Variants in STX8 observed in about 807,000 individuals in gnomAD.
The protein encoded by STX8 is syntaxin 8.
A neutral mutation model predicts 37.5 loss-of-function variants in STX8; 23 were observed. That is an observed-to-expected ratio of 0.61 (90% CI 0.44 to 0.87). STX8 has a LOEUF of 0.87. STX8 is among the 40% of genes least tolerant of loss of function. The pLI is 0.00. For synonymous variants in STX8, 115 were observed against 99.1 expected (o/e 1.16, Z -0.95); for missense variants, 313 against 284.7 (o/e 1.10, Z -0.71).
At chr17:9,293,633 T>C (rs1908400670) in intron 7 of STX8, among the ~76,000 whole-genome samples, 1 of 152,154 alleles carries the variant, frequency 6.6e-6, no homozygotes, top group Non-Finnish European at 1.5e-5. Flanking sequence ...AATAGAATAC[T>C]GTCATTAATT....
chr17:9,293,804 C>T (rs1446401414), intron 7 of STX8, among the ~76,000 whole-genome samples: 3 of 151,580 alleles, frequency 2.0e-5, no homozygotes, highest in African/African-American at 4.9e-5. Context: ...GTCTGTCGCC[C>T]AGGCTGGAGT....
At chr17:9,336,431 C>T (rs904996914) in intron 7 of STX8, among the ~76,000 whole-genome samples, 1 of 151,292 alleles carries the variant, frequency 6.6e-6, no homozygotes, top group African/African-American at 2.4e-5. Flanking sequence ...CCTTCCTTCC[C>T]CTTCCTTCCT....
intron 3 of STX8, chr17:9,554,469 T>C (rs917816417): frequency 2.6e-5 from 4 of 152,010 alleles, no homozygotes; most frequent in African/African-American, 9.7e-5. Context: ...CTATCTTAAA[T>C]CTGGAAGATA....
intron 6 of STX8, among the ~76,000 whole-genome samples, chr17:9,475,534 A>T (rs751544743): frequency 1.3e-5 from 2 of 152,140 alleles, no homozygotes; most frequent in Non-Finnish European, 2.9e-5. Flanking sequence ...TGCAGTCTGC[A>T]GTACTTGCCC....
intron 4 of STX8, among the ~76,000 whole-genome samples, chr17:9,526,976 G>A (rs186470520): frequency 1.3e-3 from 199 of 150,436 alleles, no homozygotes; most frequent in African/African-American, 4.6e-3. Flanking sequence ...TCAGGAGATC[G>A]AGACCATCCT....
intron 4 of STX8, among the ~76,000 whole-genome samples, chr17:9,528,704 C>T (rs1371115820): frequency 2.0e-5 from 3 of 150,758 alleles, no homozygotes; most frequent in Middle Eastern, 3.4e-3. Flanking sequence ...GGAGGGAATA[C>T]GGAAAGGGAA....
chr17:9,574,325 T>C (rs918864923), intron 1 of STX8, among the ~76,000 whole-genome samples: 4 of 128,862 alleles, frequency 3.1e-5, no homozygotes, highest in African/African-American at 1.2e-4. Context: ...GAATGTCCAA[T>C]GACATAGAGA....
At chr17:9,429,595 C>T (rs189080398) in intron 6 of STX8, among the ~76,000 whole-genome samples, 6,391 of 135,456 alleles carry the variant, frequency 0.047, 489 homozygotes, top group African/African-American at 0.16. Context: ...CCCAGCTACT[C>T]GGGAGGCTGA....
intron 6 of STX8, among the ~76,000 whole-genome samples, chr17:9,490,526 C>A (rs563577193): frequency 6.6e-6 from 1 of 152,172 alleles, no homozygotes; most frequent in East Asian, 1.9e-4. Flanking sequence ...TGTGGGCCAC[C>A]ACGCCCAGCT....
At chr17:9,392,934 C>T (rs909888032) in intron 6 of STX8, among the ~76,000 whole-genome samples, 2 of 152,044 alleles carry the variant, frequency 1.3e-5, no homozygotes, top group East Asian at 1.9e-4. Context: ...AGAAAAAATA[C>T]GTGAACAAAT....
chr17:9,380,637 A>G (rs1416182363), intron 6 of STX8, among the ~76,000 whole-genome samples: 1 of 151,088 alleles, frequency 6.6e-6, no homozygotes, highest in Non-Finnish European at 1.5e-5. Context: ...CAGTAGTACC[A>G]TAAGTGGTAC....
chr17:9,372,079 C>T (rs912709504), intron 7 of STX8, among the ~76,000 whole-genome samples: 19 of 152,114 alleles, frequency 1.2e-4, no homozygotes, highest in East Asian at 5.8e-4. Flanking sequence ...CCAGGCACCT[C>T]GAGCTATAAC....
chr17:9,518,795 A>G (rs146893407), intron 4 of STX8, among the ~76,000 whole-genome samples: 4,893 of 151,816 alleles, frequency 0.032, 238 homozygotes, highest in African/African-American at 0.11. Flanking sequence ...CTGAACCCGG[A>G]AGGCAGAGGT....
At chr17:9,251,392 C>G (rs1906571847) in intron 7 of STX8, among the ~76,000 whole-genome samples, 1 of 152,204 alleles carries the variant, frequency 6.6e-6, no homozygotes, top group Non-Finnish European at 1.5e-5. Flanking sequence ...TGTTCGCTTG[C>G]CCAGTATTTA....
chr17:9,500,383 C>T (rs1454390477), intron 5 of STX8, among the ~76,000 whole-genome samples: 1 of 152,194 alleles, frequency 6.6e-6, no homozygotes, highest in East Asian at 1.9e-4. Flanking sequence ...AGTTCTAAGA[C>T]TGCCCCGGAT....
At chr17:9,410,022 G>A (rs1912929740) in intron 6 of STX8, among the ~76,000 whole-genome samples, 1 of 152,104 alleles carries the variant, frequency 6.6e-6, no homozygotes, top group South Asian at 2.1e-4. Context: ...GGTGGGGGAG[G>A]GAGAAATGGA....
chr17:9,516,751 G>C (rs549867706), intron 4 of STX8, among the ~76,000 whole-genome samples: 1 of 152,220 alleles, frequency 6.6e-6, no homozygotes, highest in East Asian at 1.9e-4. Flanking sequence ...TTGCTTTCAA[G>C]GAGTTTATAA....
rs1567803943 is a variant in STX8, at chr17:9,378,606, G to GT, written c.588dup (p.Leu197ThrfsTer4). 6.2e-7 allele frequency: 1 copy of GT among 1,613,736 alleles called. No homozygotes were observed. Among genetic ancestry groups the GT allele is most frequent in the Non-Finnish European group, 8.5e-7 (1 of 1,179,850 alleles). ...TTTACCCGCCTGGTTTCATTGCGAA[G>GT]TTTTTCATCTGTGTTCTCCACTAGG... On this transcript the variant is annotated frameshift_variant, in exon 7 of 8. Coordinates refer to ENST00000306357, the MANE Select transcript of STX8 (RefSeq NM_004853.3). LOFTEE classifies it high-confidence loss of function.
chr17:9,373,710 A>T (rs1911488539), intron 7 of STX8, among the ~76,000 whole-genome samples: 1 of 152,100 alleles, frequency 6.6e-6, no homozygotes, highest in African/African-American at 2.4e-5. Context: ...AAGGCCGAGG[A>T]GGGTGGATCA....
Sources: allele counts gnomAD v4.1 joint callset (sites outside exome capture counted in the v4.1 genomes callset), GRCh38; gene constraint gnomAD v4.1.1; transcripts MANE v1.5; gene names NCBI Gene and HGNC (gene_info 2026-07-23, HGNC 2026-07-21).